The following PLXDC2 variants were observed in gnomAD, a reference collection of about 807,000 sequenced individuals.
PLXDC2 encodes plexin domain containing 2, also known as plexin domain-containing protein 2.
In PLXDC2, 40 loss-of-function variants were observed where a neutral mutation model predicts 68.9. The ratio of observed to expected loss-of-function variants is 0.58; its 90% CI spans 0.45 to 0.76. PLXDC2 has a LOEUF of 0.76. Among genes scored for constraint, PLXDC2 ranks in the 30% least tolerant of loss-of-function variants. The pLI, the probability that PLXDC2 is intolerant of heterozygous loss-of-function variation, is 0.00. For synonymous variants in PLXDC2, 243 were observed against 234.2 expected (o/e 1.04, Z -0.34); for missense variants, 644 against 661.9 (o/e 0.97, Z 0.30).
chr10:20,168,633 G>A (rs1268011631), intron 7 of PLXDC2, among the ~76,000 whole-genome samples: 1 of 152,106 alleles, frequency 6.6e-6, no homozygotes, highest in African/African-American at 2.4e-5. Context: ...TAAATCTTTA[G>A]AAACAGAAAG....
intron 1 of PLXDC2, among the ~76,000 whole-genome samples, chr10:19,830,246 G>A: frequency 6.6e-6 from 1 of 152,182 alleles, no homozygotes; most frequent in East Asian, 1.9e-4. Context: ...TCACTTGGTA[G>A]CCTTTTAAAT....
At chr10:20,069,157 C>G (rs918453691) in intron 4 of PLXDC2, among the ~76,000 whole-genome samples, 1 of 151,422 alleles carries the variant, frequency 6.6e-6, no homozygotes, top group African/African-American at 2.5e-5. Flanking sequence ...TTAAGTATTG[C>G]CATTTTTTGC....
At chr10:20,087,947 T>C (rs1204689985) in intron 4 of PLXDC2, among the ~76,000 whole-genome samples, 1 of 152,214 alleles carries the variant, frequency 6.6e-6, no homozygotes. Context: ...CACACTGCCA[T>C]CTTCATGCCT....
chr10:20,276,409 T>G (rs1227885602), intron 13 of PLXDC2, among the ~76,000 whole-genome samples: 1 of 152,186 alleles, frequency 6.6e-6, no homozygotes, highest in Non-Finnish European at 1.5e-5. Context: ...GTTCAATTAG[T>G]AGTACTGAAG....
intron 13 of PLXDC2, among the ~76,000 whole-genome samples, chr10:20,253,704 C>T (rs960865577): frequency 5.3e-5 from 8 of 152,054 alleles, no homozygotes; most frequent in Admixed American, 3.3e-4. Context: ...TTATCTAGCA[C>T]AAGTAAATTT....
intron 4 of PLXDC2, among the ~76,000 whole-genome samples, chr10:20,089,536 G>A (rs79694555): frequency 0.019 from 2,944 of 152,262 alleles, 45 homozygotes; most frequent in African/African-American, 0.023. Flanking sequence ...CTTGATATTA[G>A]GAGAAGGTTA....
chr10:20,109,539 C>T (rs913064622), intron 4 of PLXDC2, among the ~76,000 whole-genome samples: 1 of 152,108 alleles, frequency 6.6e-6, no homozygotes, highest in Non-Finnish European at 1.5e-5. Context: ...TCATCTAGGA[C>T]ATTCTGCTCC....
chr10:20,206,016 G>C (rs568234727), intron 9 of PLXDC2, among the ~76,000 whole-genome samples: 1 of 151,808 alleles, frequency 6.6e-6, no homozygotes, highest in Non-Finnish European at 1.5e-5. Flanking sequence ...TTGCTTAGAC[G>C]GTAAATGTCA....
At chr10:20,006,486 C>A (rs929119349) in intron 2 of PLXDC2, among the ~76,000 whole-genome samples, 4 of 152,166 alleles carry the variant, frequency 2.6e-5, no homozygotes, top group African/African-American at 9.6e-5. Flanking sequence ...ATGTGTATCA[C>A]AGTGAGACAA....
intron 4 of PLXDC2, among the ~76,000 whole-genome samples, chr10:20,075,827 G>A (rs187785849): frequency 1.3e-5 from 2 of 152,280 alleles, no homozygotes; most frequent in East Asian, 3.9e-4. Context: ...ACAAGGGTGT[G>A]GGTGAAAAAC....
At chr10:20,072,574 C>G (rs530078747) in intron 4 of PLXDC2, among the ~76,000 whole-genome samples, 2 of 116,738 alleles carry the variant, frequency 1.7e-5, no homozygotes, top group East Asian at 2.5e-4. Context: ...AGGAAGAAAT[C>G]TAGATGACAT....
intron 13 of PLXDC2, among the ~76,000 whole-genome samples, chr10:20,278,549 C>T (rs1055808628): frequency 1.3e-4 from 20 of 152,026 alleles, no homozygotes; most frequent in East Asian, 9.7e-4. Context: ...AATAAATTTA[C>T]GGCATTCTGA....
At chr10:20,179,120 GA>G (rs1426980557) in intron 9 of PLXDC2, among the ~76,000 whole-genome samples, 2 of 152,028 alleles carry the variant, frequency 1.3e-5, no homozygotes, top group African/African-American at 4.8e-5. Flanking sequence ...ATGTCCAAAG[GA>G]ATTAAATAGG....
rs61430454 is a variant in PLXDC2, at chr10:19,852,425, CAAAAAAAAAAAAAAAAAAAAAAAA to C, written c.112+35251_112+35274del. ...TGGGTGACAGAGCAAGACCCTGTCT[CAAAAAAAAAAAAAAAAAAAAAAAA>C]AAAAAAAAAAAAAAAAGTTTTCAAT... On this transcript the variant is annotated intron_variant, in intron 1 of 13. Transcript: ENST00000377252. Among the ~76,000 whole-genome samples the C allele has an allele frequency of 4.5e-3, 279 of 61,944 alleles. 6 individuals carry two copies. The highest frequency in any genetic ancestry group is 9.0e-3 in the African/African-American group (136 of 15,062). The allele number at this position is 61,944 out of a possible 152,430, so 40.6% of individuals were successfully genotyped here. A position where few individuals can be genotyped will look rare whatever the true frequency, so the allele number is the denominator to read the frequency against.
At position 20,138,281 on chromosome 10, in the gene PLXDC2, C is replaced by T. The variant is rs1435261469; in HGVS notation, c.542-5014C>T. Among the ~76,000 whole-genome samples, 7 of 152,082 alleles carry T rather than the reference C, an allele frequency of 4.6e-5. No homozygotes were observed. In the South Asian group the frequency reaches 6.2e-4, roughly 14 times the overall value. On this transcript the variant is annotated intron_variant, in intron 4 of 13. Coordinates refer to ENST00000377252, the MANE Select transcript of PLXDC2 (RefSeq NM_032812.9). ...CTGGAGATGTTAAGTGAGGACTTATCGGATAATTGTGAAAACTGTCATCTG... is the reference window on the plus strand; with the variant it reads ...CTGGAGATGTTAAGTGAGGACTTATTGGATAATTGTGAAAACTGTCATCTG...
At chr10:20,186,281 G>A (rs2358871) in intron 9 of PLXDC2, among the ~76,000 whole-genome samples, 141,352 of 151,982 alleles carry the variant, frequency 0.93, 65,808 homozygotes, top group Non-Finnish European at 0.95. Context: ...AATTGAAGGC[G>A]TCAAAGAGAG....
At chr10:19,893,528 T>C (rs1838003767) in intron 1 of PLXDC2, among the ~76,000 whole-genome samples, 1 of 152,214 alleles carries the variant, frequency 6.6e-6, no homozygotes, top group Admixed American at 6.5e-5. Context: ...AGCATAAGCC[T>C]GGTCATAAAC....
chr10:20,004,588 G>A (rs1285028771), intron 2 of PLXDC2, among the ~76,000 whole-genome samples: 3 of 152,052 alleles, frequency 2.0e-5, no homozygotes, highest in East Asian at 1.9e-4. Flanking sequence ...ACTTTGCCAC[G>A]ACAAAATGCA....
intron 12 of PLXDC2, among the ~76,000 whole-genome samples, chr10:20,234,270 T>C (rs1333511415): frequency 6.6e-6 from 1 of 152,180 alleles, no homozygotes; most frequent in Non-Finnish European, 1.5e-5. Flanking sequence ...TTTGCAAAGA[T>C]GGTTTGGTGG....
Sources: allele counts gnomAD v4.1 joint callset (sites outside exome capture counted in the v4.1 genomes callset), GRCh38; gene constraint gnomAD v4.1.1; transcripts MANE v1.5; gene names NCBI Gene and HGNC (gene_info 2026-07-23, HGNC 2026-07-21).